RIPK2: variants seen among roughly 807,000 people sequenced by gnomAD.
The protein encoded by RIPK2 is receptor-interacting serine/threonine-protein kinase 2.
RIPK2 carries 38 observed loss-of-function variants against 60.9 expected under a neutral mutation model. The observed-to-expected ratio is 0.62, with a 90% CI of 0.48 to 0.82. The LOEUF (loss-of-function observed/expected upper bound fraction) is 0.82, where lower values mean the gene tolerates loss of function less well. Ranked by LOEUF, RIPK2 falls within the 40% of genes least tolerant of loss-of-function variation. RIPK2 has a pLI of 0.00. For missense variants in RIPK2, 518 were observed against 647.0 expected (o/e 0.80, Z 2.16); for synonymous variants, 225 against 223.4 (o/e 1.01, Z -0.06).
chr8:89,766,711 G>A (rs1809235594), intron 3 of RIPK2, among the ~76,000 whole-genome samples: 1 of 151,538 alleles, frequency 6.6e-6, no homozygotes, highest in South Asian at 2.1e-4. Context: ...TAGATGTGTA[G>A]TGATATCTCA....
chr8:89,782,168 A>G (rs1809512064), intron 7 of RIPK2, among the ~76,000 whole-genome samples: 1 of 152,094 alleles, frequency 6.6e-6, no homozygotes, highest in Admixed American at 6.6e-5. Flanking sequence ...GAGTACAAGC[A>G]CTGTGATCCT....
chr8:89,771,018 T>A (rs1809303175), intron 4 of RIPK2, among the ~76,000 whole-genome samples: 1 of 152,010 alleles, frequency 6.6e-6, no homozygotes, highest in East Asian at 1.9e-4. Context: ...GCTGGTTTGA[T>A]TCTATAAAAA....
rs191549267 is a variant in RIPK2, at chr8:89,774,267, T to C, written c.853+1439T>C. Among the ~76,000 whole-genome samples the C allele has an allele frequency of 6.2e-3, 944 of 152,274 alleles. 12 individuals carry two copies. The highest frequency in any genetic ancestry group is 0.017 in the Middle Eastern group (5 of 294). On this transcript the variant is annotated intron_variant, in intron 6 of 10. Transcript: ENST00000220751. ...GATTTGAATTTCACCAAGGGAGATA[T>C]ACAAATAGCTAAAAAGCACATAAAA...
intron 6 of RIPK2, among the ~76,000 whole-genome samples, chr8:89,778,370 T>C (rs1366981348): frequency 6.6e-6 from 1 of 152,208 alleles, no homozygotes; most frequent in Non-Finnish European, 1.5e-5. Context: ...GACTTTTTAG[T>C]ATTAATAATT....
In RIPK2 at chr8:89,784,141, T is replaced by TAA. The variant is rs71268283; in HGVS notation, c.1029+24_1029+25dup. 8,056 of 554,670 alleles carry TAA rather than the reference T, an allele frequency of 0.015. 97 individuals carry two copies. The highest frequency in any genetic ancestry group is 0.047 in the African/African-American group (1,532 of 32,782). The allele number at this position is 554,670 out of a possible 1,614,324, so 34.4% of individuals were successfully genotyped here. ...CCTGTAAATCATGGTCCACAAGAGG[T>TAA]AAAAAAAAAAAAAAAAAAAAAAAGG... is the stretch of plus-strand genomic sequence containing the variant. On this transcript the variant is annotated splice_region_variant and intron_variant, in intron 8 of 10. Coordinates refer to ENST00000220751, the MANE Select transcript of RIPK2 (RefSeq NM_003821.6).
Position 89,784,158 on chromosome 8 carries a change from A to G in RIPK2, c.1029+19A>G. 7.1e-7 allele frequency: 1 copy of G among 1,407,894 alleles called. No individual in the cohort carries two copies. The highest frequency in any genetic ancestry group is 9.7e-7 in the Non-Finnish European group (1 of 1,027,894). The allele number at this position is 1,407,894 out of a possible 1,614,324, so 87.2% of individuals were successfully genotyped here. ...ACAAGAGGTAAAAAAAAAAAAAAAA[A>G]AAAAAAGGTTATATTAAACTCAAAA... On this transcript the variant is annotated intron_variant, in intron 8 of 10. Coordinates refer to ENST00000220751, the MANE Select transcript of RIPK2 (RefSeq NM_003821.6).
chr8:89,758,682 C>T (rs773663997), intron 1 of RIPK2, among the ~76,000 whole-genome samples: 7 of 152,112 alleles, frequency 4.6e-5, no homozygotes, highest in Non-Finnish European at 1.0e-4. Context: ...CTCTTAGCCA[C>T]AGGTGGCTAT....
chr8:89,766,647 C>CAAAG (rs1244040325), intron 3 of RIPK2, among the ~76,000 whole-genome samples: 6 of 149,340 alleles, frequency 4.0e-5, no homozygotes, highest in African/African-American at 1.5e-4. Context: ...AATGATAATA[C>CAAAG]CAAATGCCCA....
intron 8 of RIPK2, among the ~76,000 whole-genome samples, chr8:89,785,229 C>A (rs1219058279): frequency 2.0e-5 from 3 of 152,160 alleles, no homozygotes; most frequent in Non-Finnish European, 4.4e-5. Context: ...GATCCCAGAA[C>A]TTTGGGAGGC....
At position 89,784,138 on chromosome 8, in the gene RIPK2, A is replaced by G; in HGVS notation, c.1028A>G (p.Glu343Gly). 1.0e-6 allele frequency: 1 copy of G among 966,854 alleles called. No homozygotes were observed. The highest frequency in any genetic ancestry group is 1.4e-6 in the Non-Finnish European group (1 of 690,586). 59.9% of individuals were successfully genotyped at this position (966,854 alleles called of 1,614,324 possible). A position where few individuals can be genotyped will look rare whatever the true frequency, so the allele number is the denominator to read the frequency against. The change falls in exon 8 of 11, where the codon GAG becomes GGG. Residue 343 changes from glutamate (E) to glycine (G), a missense_variant and splice_region_variant. Transcript: ENST00000220751. ...LNIPVNHGPQ[E>G]ESCGSSQLHE... Reference sequence around the variant, plus strand: ...ATACCTGTAAATCATGGTCCACAAGAGGTAAAAAAAAAAAAAAAAAAAAAA... The same window carrying G: ...ATACCTGTAAATCATGGTCCACAAGGGGTAAAAAAAAAAAAAAAAAAAAAA...
Position 89,784,025 on chromosome 8 carries a change from A to G in RIPK2, c.940-25A>G, listed in dbSNP as rs138368995. On this transcript the variant is annotated intron_variant, in intron 7 of 10. Coordinates refer to ENST00000220751, the MANE Select transcript of RIPK2 (RefSeq NM_003821.6). ...TCCTAATCATCTCCAGTTAAAGTGTATATATATTTATGTATTCATTACAGT... is the reference window on the plus strand; with the variant it reads ...TCCTAATCATCTCCAGTTAAAGTGTGTATATATTTATGTATTCATTACAGT... 218 of 1,212,402 alleles carry G rather than the reference A, an allele frequency of 1.8e-4. 1 individual carries two copies. The African/African-American group carries it at 3.1e-3, about 17-fold the overall frequency. The allele number at this position is 1,212,402 out of a possible 1,614,324, so 75.1% of individuals were successfully genotyped here. A position where few individuals can be genotyped will look rare whatever the true frequency, so the allele number is the denominator to read the frequency against.
At chr8:89,782,566 A>G (rs911581908) in intron 7 of RIPK2, among the ~76,000 whole-genome samples, 3 of 152,048 alleles carry the variant, frequency 2.0e-5, no homozygotes, top group Non-Finnish European at 4.4e-5. Context: ...GTTACTCTGA[A>G]AGCTGAAGCA....
chr8:89,784,159 A>G lies in RIPK2; in HGVS notation c.1029+20A>G. Reference sequence around the variant, plus strand: ...CAAGAGGTAAAAAAAAAAAAAAAAAAAAAAAGGTTATATTAAACTCAAAAT... The same window carrying G: ...CAAGAGGTAAAAAAAAAAAAAAAAAGAAAAAGGTTATATTAAACTCAAAAT... On this transcript the variant is annotated intron_variant, in intron 8 of 10. Coordinates refer to ENST00000220751, the MANE Select transcript of RIPK2 (RefSeq NM_003821.6). 1 of 1,368,632 alleles carries G rather than the reference A, an allele frequency of 7.3e-7. No homozygotes were observed. The highest frequency in any genetic ancestry group is 1.0e-6 in the Non-Finnish European group (1 of 993,476). 84.8% of individuals were successfully genotyped at this position (1,368,632 alleles called of 1,614,324 possible).
intron 6 of RIPK2, among the ~76,000 whole-genome samples, chr8:89,774,039 C>T (rs931894328): frequency 4.6e-5 from 7 of 151,728 alleles, no homozygotes; most frequent in African/African-American, 7.3e-5. Context: ...GCACTGTGAT[C>T]GTGCCTATGA....
At chr8:89,759,281 AG>A (rs747687441) in intron 1 of RIPK2, 1 of 456,284 alleles carries the variant, frequency 2.2e-6, no homozygotes, top group South Asian at 1.5e-5. Context: ...ACTGTGTATT[AG>A]TCAATGGGTC....
At chr8:89,758,564 T>C (rs1047846579) in intron 1 of RIPK2, among the ~76,000 whole-genome samples, 1 of 152,142 alleles carries the variant, frequency 6.6e-6, no homozygotes, top group Non-Finnish European at 1.5e-5. Context: ...AAACGCTGGG[T>C]TTACTGAAAT....
At position 89,790,328 on chromosome 8, in the gene RIPK2, A is replaced by T; in HGVS notation, c.1535A>T (p.Asn512Ile). Residue 512 changes from asparagine to isoleucine, a missense_variant, in exon 11 of 11, where the codon AAC becomes ATC. Physicochemically the swap from Asn to Ile is moderately radical, Grantham distance 149. This residue lies in a region of RIPK2 where 41 missense variants were observed against 43.7 expected (regional missense o/e 0.94). Transcript: ENST00000220751. Reference sequence around the variant, plus strand: ...GTTATAGTACAAAAATTGAAAGATAACAAACAAATGGGTCTTCAGCCTTAC... The same window carrying T: ...GTTATAGTACAAAAATTGAAAGATATCAAACAAATGGGTCTTCAGCCTTAC... Reference protein sequence around the residue: ...AKVIVQKLKDNKQMGLQPYPE... With the variant: ...AKVIVQKLKDIKQMGLQPYPE... 6.2e-7 allele frequency: 1 copy of T among 1,614,152 alleles called. No homozygotes were observed. Among genetic ancestry groups the T allele is most frequent in the Non-Finnish European group, 8.5e-7 (1 of 1,179,984 alleles).
chr8:89,783,121 T>A (rs903316963), intron 7 of RIPK2, among the ~76,000 whole-genome samples: 1 of 152,138 alleles, frequency 6.6e-6, no homozygotes, highest in Non-Finnish European at 1.5e-5. Flanking sequence ...GTAAATGGAG[T>A]ATGCAGTCAT....
intron 5 of RIPK2, among the ~76,000 whole-genome samples, chr8:89,772,085 GTCC>G (rs1040598118): frequency 6.6e-6 from 1 of 151,864 alleles, no homozygotes; most frequent in Non-Finnish European, 1.5e-5. Flanking sequence ...AATCTCTTGC[GTCC>G]TCATTTTTGT....
Sources: allele counts gnomAD v4.1 joint callset (sites outside exome capture counted in the v4.1 genomes callset), GRCh38; gene constraint gnomAD v4.1.1; regional missense constraint gnomAD v4.1.1; transcripts MANE v1.5; gene names NCBI Gene and HGNC (gene_info 2026-07-23, HGNC 2026-07-21).